The following PAM variants were observed in gnomAD, a reference collection of about 807,000 sequenced individuals.
PAM encodes peptidyl-glycine alpha-amidating monooxygenase.
Under a neutral mutation model 122.1 loss-of-function variants are expected in PAM, and 72 were observed. The ratio of observed to expected loss-of-function variants is 0.59; its 90% CI spans 0.49 to 0.72. PAM has a LOEUF of 0.72. PAM is among the 30% of genes least tolerant of loss of function. The pLI is 0.00. For missense variants in PAM, 1,106 were observed against 1,183.7 expected (o/e 0.93, Z 0.96); for synonymous variants, 389 against 404.4 (o/e 0.96, Z 0.46).
chr5:102,894,132 A>G (rs1026618682), intron 3 of PAM, among the ~76,000 whole-genome samples: 4 of 151,668 alleles, frequency 2.6e-5, no homozygotes, highest in African/African-American at 9.7e-5. Flanking sequence ...CTGGGGGTAA[A>G]TACCATGGAC....
chr5:102,765,946 A>G (rs12110305), intron 1 of PAM, among the ~76,000 whole-genome samples: 336 of 152,328 alleles, frequency 2.2e-3, no homozygotes, highest in African/African-American at 7.9e-3. Context: ...AGGTACTGGA[A>G]GTTAAGAATT....
chr5:102,906,542 A>G (rs1799611144), intron 4 of PAM, among the ~76,000 whole-genome samples: 1 of 151,570 alleles, frequency 6.6e-6, no homozygotes, highest in Admixed American at 6.6e-5. Flanking sequence ...GAGCCAGAAC[A>G]CTCCACATTC....
At position 103,009,843 on chromosome 5, in the gene PAM, G is replaced by T; in HGVS notation, c.2308G>T (p.Asp770Tyr). Residue 770 changes from aspartate (D) to tyrosine (Y), a missense_variant, in exon 21 of 26, where the codon GAC becomes TAC. Asp to Tyr is a radical substitution (Grantham distance 160). Transcript: ENST00000438793. ...VMNFSNGEII[D>Y]IFKPVRKHFD... ...GAACTTTTCCAATGGGGAAATTATA[G>T]ACATCTTCAAGCCAGTGCGCAAGGT... 6.2e-7 allele frequency: 1 copy of T among 1,602,750 alleles called. No homozygotes were observed. The highest frequency in any genetic ancestry group is 1.1e-5 in the South Asian group (1 of 90,644).
chr5:102,958,053 G>A (rs76178731), intron 12 of PAM, among the ~76,000 whole-genome samples: 2,267 of 152,248 alleles, frequency 0.015, 28 homozygotes, highest in Non-Finnish European at 0.022. Context: ...TAGACCAGCA[G>A]TGATAGTTAC....
chr5:103,016,722 C>T (rs986237228), intron 21 of PAM, among the ~76,000 whole-genome samples: 11 of 152,164 alleles, frequency 7.2e-5, no homozygotes, highest in African/African-American at 2.7e-4. Flanking sequence ...CAATTTCTTT[C>T]CTTTGCTGAC....
chr5:103,004,766 T>C (rs1341850708), intron 17 of PAM, among the ~76,000 whole-genome samples: 1 of 152,212 alleles, frequency 6.6e-6, no homozygotes, highest in Non-Finnish European at 1.5e-5. Context: ...GCAACATGTT[T>C]TAACCGCAAA....
In PAM at chr5:103,026,124, A is replaced by T. The variant is rs112602624; in HGVS notation, c.2689+790A>T. On this transcript the variant is annotated intron_variant, in intron 24 of 25. Transcript: ENST00000438793. ...AGAGTTAGTATTTTATGAAATCATT[A>T]TCACAATATAGGATCCAAGAGCTGA... Among the ~76,000 whole-genome samples the T allele has an allele frequency of 5.6e-3, 856 of 152,312 alleles. 6 individuals are homozygous for T. The highest frequency in any genetic ancestry group is 0.02 in the African/African-American group (819 of 41,566).
chr5:102,971,302 A>G (rs1765756379), intron 14 of PAM, among the ~76,000 whole-genome samples: 1 of 152,212 alleles, frequency 6.6e-6, no homozygotes, highest in Non-Finnish European at 1.5e-5. Context: ...GTATTTTAAT[A>G]TTAGCTGTCT....
chr5:102,761,092 G>A (rs1478932500), intron 1 of PAM, among the ~76,000 whole-genome samples: 1 of 152,178 alleles, frequency 6.6e-6, no homozygotes, highest in Non-Finnish European at 1.5e-5. Context: ...CAGCACCTCG[G>A]CAGTGCCTGC....
intron 3 of PAM, among the ~76,000 whole-genome samples, chr5:102,885,122 T>A: frequency 6.7e-6 from 1 of 149,026 alleles, no homozygotes; most frequent in African/African-American, 2.5e-5. Flanking sequence ...TTGATTATTT[T>A]TAAGTATTGG....
Position 102,961,150 on chromosome 5 carries a change from C to T in PAM, c.1091-8C>T, listed in dbSNP as rs762849434. 14 of 1,481,134 alleles carry T rather than the reference C, an allele frequency of 9.5e-6. No homozygotes were observed. The highest frequency in any genetic ancestry group is 1.4e-5 in the African/African-American group (1 of 72,044). 91.7% of individuals were successfully genotyped at this position (1,481,134 alleles called of 1,614,324 possible). A position where few individuals can be genotyped will look rare whatever the true frequency, so the allele number is the denominator to read the frequency against. On this transcript the variant is annotated splice_region_variant and splice_polypyrimidine_tract_variant and intron_variant, in intron 13 of 25. Transcript: ENST00000438793. ...AAATTTATGCTCAGCTTCTTTGATC[C>T]TTTACAGAAACAGAATATAAAGATA...
At chr5:102,988,724 AAAG>A (rs1357783350) in intron 15 of PAM, among the ~76,000 whole-genome samples, 1 of 143,956 alleles carries the variant, frequency 6.9e-6, no homozygotes, top group Non-Finnish European at 1.6e-5. Context: ...AGAAAAGAAA[AAAG>A]GGAAGGAAGG....
chr5:103,028,895 A>AG lies in PAM; in HGVS notation c.2753dup (p.Ser918ArgfsTer8). ...TGTTTGCTTTTTTTCAGGAAAGGGA[A>AG]GTGGAGGCTTAAACCTTGGTAATTT... On this transcript the variant is annotated frameshift_variant, in exon 26 of 26. Coordinates refer to ENST00000438793, the MANE Select transcript of PAM (RefSeq NM_001177306.2). LOFTEE classifies it high-confidence loss of function. 1.2e-6 allele frequency: 2 copies of AG among 1,603,578 alleles called. No individual in the cohort carries two copies. The highest frequency in any genetic ancestry group is 1.7e-6 in the Non-Finnish European group (2 of 1,176,474).
intron 14 of PAM, among the ~76,000 whole-genome samples, chr5:102,961,943 G>A (rs944085908): frequency 2.0e-5 from 3 of 151,834 alleles, no homozygotes; most frequent in Non-Finnish European, 2.9e-5. Context: ...TTTGGCCTAC[G>A]ATACACGTTT....
At chr5:102,768,708 T>C (rs989758795) in intron 1 of PAM, among the ~76,000 whole-genome samples, 1 of 152,222 alleles carries the variant, frequency 6.6e-6, no homozygotes, top group Non-Finnish European at 1.5e-5. Flanking sequence ...CCATTCTGTA[T>C]ATGTAACACA....
At chr5:103,010,995 C>T (rs1475403941) in intron 21 of PAM, among the ~76,000 whole-genome samples, 2 of 152,140 alleles carry the variant, frequency 1.3e-5, no homozygotes, top group African/African-American at 4.8e-5. Context: ...TATAGTCACA[C>T]TGTTGTGCTA....
chr5:102,882,324 TTACATTCC>T (rs1390568662), intron 3 of PAM, among the ~76,000 whole-genome samples: 2 of 151,562 alleles, frequency 1.3e-5, no homozygotes, highest in South Asian at 4.2e-4. Flanking sequence ...TTGTACTAGT[TTACATTCC>T]TACCAAGCAG....
intron 4 of PAM, among the ~76,000 whole-genome samples, chr5:102,907,433 C>CTT (rs1799912887): frequency 6.6e-6 from 1 of 151,328 alleles, no homozygotes; most frequent in Non-Finnish European, 1.5e-5. Context: ...AATAAACATA[C>CTT]GTGTGCTTGT....
At chr5:102,795,250 G>C (rs1310654480) in intron 1 of PAM, among the ~76,000 whole-genome samples, 1 of 150,050 alleles carries the variant, frequency 6.7e-6, no homozygotes, top group East Asian at 2.0e-4. Flanking sequence ...GCTTGGAATG[G>C]GAGATGAGTT....
Sources: gnomAD v4.1 joint callset for allele counts (sites outside exome capture counted in the v4.1 genomes callset) on GRCh38, gnomAD v4.1.1 for gene constraint, MANE v1.5 for transcripts, NCBI Gene and HGNC (gene_info 2026-07-23, HGNC 2026-07-21) for gene names.